Variants in NSMAF observed in about 807,000 individuals in gnomAD.
The protein encoded by NSMAF is neutral sphingomyelinase activation associated factor, also known as protein FAN.
Under a neutral mutation model 134.9 loss-of-function variants are expected in NSMAF, and 90 were observed. That is an observed-to-expected ratio of 0.67 (90% CI 0.56 to 0.79). NSMAF has a LOEUF of 0.79. Among genes scored for constraint, NSMAF ranks in the 30% least tolerant of loss-of-function variants. The pLI is 0.00. For missense variants in NSMAF, 1,010 were observed against 1,119.0 expected, an observed-to-expected ratio of 0.90 and a Z score of 1.39; for synonymous variants, 358 against 389.6, an observed-to-expected ratio of 0.92 and a Z score of 0.96.
At chr8:58,618,996 A>G (rs1016119153) in intron 9 of NSMAF, among the ~76,000 whole-genome samples, 1 of 152,170 alleles carries the variant, frequency 6.6e-6, no homozygotes, top group Non-Finnish European at 1.5e-5. Flanking sequence ...TTTTAAATGA[A>G]TGTCATGCTG....
intron 1 of NSMAF, among the ~76,000 whole-genome samples, chr8:58,649,186 G>T (rs6985007): frequency 0.46 from 70,677 of 152,006 alleles, 16,872 homozygotes; most frequent in East Asian, 0.56. Flanking sequence ...GGAGATTATT[G>T]TGGAGTTTTA....
chr8:58,658,818 G>C (rs1172505838), intron 1 of NSMAF, among the ~76,000 whole-genome samples: 1 of 152,214 alleles, frequency 6.6e-6, no homozygotes, highest in African/African-American at 2.4e-5. Flanking sequence ...ACTGCTGTGA[G>C]ACCATTTTAG....
chr8:58,600,837 T>C (rs1267291635), intron 16 of NSMAF, among the ~76,000 whole-genome samples: 1 of 152,092 alleles, frequency 6.6e-6, no homozygotes, highest in Admixed American at 6.5e-5. Flanking sequence ...ATTACTTTTA[T>C]AATTTAAAAA....
intron 9 of NSMAF, among the ~76,000 whole-genome samples, chr8:58,611,086 AC>A (rs1806519772): frequency 1.3e-5 from 2 of 152,182 alleles, no homozygotes; most frequent in African/African-American, 4.8e-5. Context: ...TTTTTAACAA[AC>A]TGCTCAATAA....
intron 25 of NSMAF, 33 bp from the exon 26 acceptor site, chr8:58,589,608 T>C (rs775386284): frequency 6.5e-7 from 1 of 1,542,310 alleles, no homozygotes; most frequent in South Asian, 1.3e-5. Flanking sequence ...AAAACAGTAG[T>C]CTGGCTTAAT....
intron 6 of NSMAF, among the ~76,000 whole-genome samples, chr8:58,626,727 CAG>C (rs760690337): frequency 6.6e-6 from 1 of 152,152 alleles, no homozygotes; most frequent in Non-Finnish European, 1.5e-5. Flanking sequence ...AGATACCTGA[CAG>C]TGGGATTGCT....
chr8:58,595,171 A>G (rs1806107417), intron 22 of NSMAF, among the ~76,000 whole-genome samples: 2 of 152,184 alleles, frequency 1.3e-5, no homozygotes, highest in South Asian at 4.1e-4. Flanking sequence ...TTTTTTTAAA[A>G]GGTGCCTTTT....
intron 1 of NSMAF, among the ~76,000 whole-genome samples, chr8:58,657,851 A>G (rs982409224): frequency 6.6e-6 from 1 of 152,250 alleles, no homozygotes; most frequent in Non-Finnish European, 1.5e-5. Context: ...GCCAAGAGCT[A>G]GAGTTCTCTC....
chr8:58,585,317 G>T (rs1388011754), intron 30 of NSMAF, among the ~76,000 whole-genome samples: 2 of 144,368 alleles, frequency 1.4e-5, no homozygotes, highest in South Asian at 2.2e-4. Flanking sequence ...TTGTTTCTGG[G>T]TTTTTTTTTT....
At chr8:58,624,035 A>ATTTTTTTTTTTTTTTTTTTTT (rs11431046) in intron 6 of NSMAF, among the ~76,000 whole-genome samples, 2 of 99,098 alleles carry the variant, frequency 2.0e-5, no homozygotes, top group Non-Finnish European at 3.7e-5. Context: ...TAGAGTTAGG[A>ATTTTTTTTTTTTTTTTTTTTT]TTTTTTTTTT....
chr8:58,604,790 C>T (rs992123156), intron 12 of NSMAF, among the ~76,000 whole-genome samples: 3 of 152,168 alleles, frequency 2.0e-5, no homozygotes, highest in Non-Finnish European at 4.4e-5. Context: ...GTCACCCAGG[C>T]TGAATTGCAG....
At chr8:58,650,155 T>G (rs1350034778) in intron 1 of NSMAF, among the ~76,000 whole-genome samples, 1 of 152,200 alleles carries the variant, frequency 6.6e-6, no homozygotes, top group Non-Finnish European at 1.5e-5. Context: ...AGATTAGTAT[T>G]ATTAATAGAG....
chr8:58,650,149 T>G (rs1011494928), intron 1 of NSMAF, among the ~76,000 whole-genome samples: 3 of 152,210 alleles, frequency 2.0e-5, no homozygotes, highest in Admixed American at 2.0e-4. Context: ...GTCTGAAGAT[T>G]AGTATTATTA....
intron 6 of NSMAF, among the ~76,000 whole-genome samples, chr8:58,624,199 A>G (rs1052768216): frequency 6.6e-5 from 10 of 151,742 alleles, no homozygotes; most frequent in African/African-American, 2.4e-4. Flanking sequence ...GCACCACCGC[A>G]CCCGGCTAAT....
At chr8:58,588,493 G>A in intron 26 of NSMAF, 1 of 1,192,320 alleles carries the variant, frequency 8.4e-7, no homozygotes, top group Non-Finnish European at 1.2e-6. Flanking sequence ...GTCCTTGCAG[G>A]CTTCACGAGA....
At position 58,601,545 on chromosome 8, in the gene NSMAF, A is replaced by AG; in HGVS notation, c.1126-11dup. Reference sequence around the variant, plus strand: ...TTTCCTGGTAGCGTGTCTAGAATACAGAAAAAAAAAAAAAATAGAGCTAAG... The same window carrying AG: ...TTTCCTGGTAGCGTGTCTAGAATACAGGAAAAAAAAAAAAAATAGAGCTAAG... On this transcript the variant is annotated splice_polypyrimidine_tract_variant and intron_variant, in intron 14 of 30. Coordinates refer to ENST00000038176, the MANE Select transcript of NSMAF (RefSeq NM_003580.4). 6.5e-7 allele frequency: 1 copy of AG among 1,538,866 alleles called. No individual in the cohort carries two copies. Among genetic ancestry groups the AG allele is most frequent in the Non-Finnish European group, 8.7e-7 (1 of 1,155,352 alleles).
chr8:58,609,536 T>C, intron 10 of NSMAF, 68 bp downstream of exon 10: 1 of 1,557,522 alleles, frequency 6.4e-7, no homozygotes, highest in Non-Finnish European at 8.8e-7. Flanking sequence ...TCCCTGGCAT[T>C]GTGAGGCCAT....
At chr8:58,629,596 A>G (rs952570345) in intron 6 of NSMAF, among the ~76,000 whole-genome samples, 1 of 143,860 alleles carries the variant, frequency 7.0e-6, no homozygotes, top group Non-Finnish European at 1.5e-5. Flanking sequence ...GCTCCCTCTA[A>G]TTTTGTGCTA....
intron 26 of NSMAF, chr8:58,588,874 C>T: frequency 5.9e-6 from 4 of 680,296 alleles, no homozygotes. Flanking sequence ...ACATTTCTTT[C>T]TAACTCTGCT....
Sources: gnomAD v4.1 joint callset for allele counts (sites outside exome capture counted in the v4.1 genomes callset) on GRCh38, gnomAD v4.1.1 for gene constraint, MANE v1.5 for transcripts, NCBI Gene and HGNC (gene_info 2026-07-23, HGNC 2026-07-21) for gene names.